The following C10orf90 variants were observed in gnomAD, a reference collection of about 807,000 sequenced individuals.
The protein encoded by C10orf90 is chromosome 10 open reading frame 90, also known as (E2-independent) E3 ubiquitin-conjugating enzyme FATS.
In C10orf90, 56 loss-of-function variants were observed where a neutral mutation model predicts 62.5. The observed-to-expected ratio is 0.90, with a 90% confidence interval of 0.72 to 1.12. The LOEUF (loss-of-function observed/expected upper bound fraction) is 1.12. Ranked by LOEUF, C10orf90 falls within the 50% of genes most tolerant of loss-of-function variation. The pLI, the probability that C10orf90 is intolerant of heterozygous loss-of-function variation, is 0.00. For synonymous variants in C10orf90, 386 were observed against 340.4 expected (o/e 1.13, Z -1.47); for missense variants, 970 against 880.4 (o/e 1.10, Z -1.29).
intron 4 of C10orf90, among the ~76,000 whole-genome samples, chr10:126,480,102 A>C (rs1564821672): frequency 6.6e-6 from 1 of 152,248 alleles, no homozygotes; most frequent in Non-Finnish European, 1.5e-5. Flanking sequence ...GAATATTTTT[A>C]AAAAGATAAA....
intron 4 of C10orf90, among the ~76,000 whole-genome samples, chr10:126,500,575 T>A (rs1862319434): frequency 6.6e-6 from 1 of 152,116 alleles, no homozygotes; most frequent in Non-Finnish European, 1.5e-5. Context: ...TTATGATAGA[T>A]TCGAAGATTT....
intron 4 of C10orf90, among the ~76,000 whole-genome samples, chr10:126,477,098 T>G (rs1311574523): frequency 2.7e-5 from 3 of 110,004 alleles, no homozygotes; most frequent in African/African-American, 1.1e-4. Flanking sequence ...TTTTTTTTTT[T>G]TTTTTTTTTT....
intron 7 of C10orf90, among the ~76,000 whole-genome samples, chr10:126,430,300 G>A (rs1857495938): frequency 6.6e-6 from 1 of 152,152 alleles, no homozygotes; most frequent in South Asian, 2.1e-4. Flanking sequence ...CCTCTATAGG[G>A]CTGCTCAGCC....
chr10:126,627,012 T>G (rs1357193869), intron 2 of C10orf90, among the ~76,000 whole-genome samples: 5 of 149,270 alleles, frequency 3.3e-5, no homozygotes, highest in South Asian at 2.1e-4. Context: ...TTTTTTTTTT[T>G]TTTTTGAGAC....
At chr10:126,575,846 T>C (rs1844600493) in intron 2 of C10orf90, among the ~76,000 whole-genome samples, 1 of 152,048 alleles carries the variant, frequency 6.6e-6, no homozygotes, top group African/African-American at 2.4e-5. Flanking sequence ...CAATATATAG[T>C]GCTGGAAAAA....
chr10:126,585,745 G>A (rs1020950806), intron 2 of C10orf90, among the ~76,000 whole-genome samples: 7 of 152,124 alleles, frequency 4.6e-5, no homozygotes, highest in African/African-American at 1.7e-4. Flanking sequence ...GCTAATTAGG[G>A]CCAGATAACA....
chr10:126,653,178 C>T (rs74158866), intron 1 of C10orf90, among the ~76,000 whole-genome samples: 4,196 of 152,270 alleles, frequency 0.028, 198 homozygotes, highest in African/African-American at 0.094. Flanking sequence ...CTGAAGGCTG[C>T]AGTGGCTGTA....
At chr10:126,583,291 A>G (rs1224983304) in intron 2 of C10orf90, among the ~76,000 whole-genome samples, 2 of 152,246 alleles carry the variant, frequency 1.3e-5, no homozygotes, top group Admixed American at 6.5e-5. Flanking sequence ...TTAAATCTCA[A>G]TGTAATAATT....
In C10orf90 at chr10:126,670,338, T is replaced by C. The variant is rs1846724138; in HGVS notation, c.143A>G (p.Lys48Arg). Residue 48 changes from lysine (K) to arginine (R), a missense_variant, in exon 1 of 10, where the codon AAG becomes AGG. Transcript: ENST00000488181. ...KNHVMVMDFV[K>R]SNWFPSQRRA... ...TCTCTGGGAGGGAAACCAGTTACTC[T>C]TCACAAAATCCATGACCATCACATG... The C allele has an allele frequency of 4.4e-6, 2 of 456,696 alleles. No individual in the cohort carries two copies. The highest frequency in any genetic ancestry group is 8.8e-6 in the Non-Finnish European group (2 of 226,958). 28.3% of individuals were successfully genotyped at this position (456,696 alleles called of 1,614,324 possible). A position where few individuals can be genotyped will look rare whatever the true frequency, so the allele number is the denominator to read the frequency against.
intron 4 of C10orf90, among the ~76,000 whole-genome samples, chr10:126,472,089 C>T (rs1398162984): frequency 6.6e-6 from 1 of 152,202 alleles, no homozygotes; most frequent in East Asian, 1.9e-4. Flanking sequence ...ATCAGTTACC[C>T]TACAGTCCTT....
chr10:126,658,201 G>A (rs1237236916), intron 1 of C10orf90, among the ~76,000 whole-genome samples: 1 of 152,210 alleles, frequency 6.6e-6, no homozygotes, highest in Non-Finnish European at 1.5e-5. Context: ...GCAGACAGAA[G>A]GCAGTGATGT....
chr10:126,597,251 T>A (rs987877063), intron 2 of C10orf90, among the ~76,000 whole-genome samples: 6 of 152,250 alleles, frequency 3.9e-5, no homozygotes, highest in Admixed American at 6.5e-5. Context: ...AAGACTTGTA[T>A]GAGAATGTTC....
chr10:126,522,112 T>C (rs1236736861), intron 2 of C10orf90, among the ~76,000 whole-genome samples: 1 of 151,990 alleles, frequency 6.6e-6, no homozygotes, highest in African/African-American at 2.4e-5. Flanking sequence ...CTACTAAAAG[T>C]ACAAAATTAG....
intron 3 of C10orf90, among the ~76,000 whole-genome samples, chr10:126,508,158 T>TGAGAGAGAGAAAGAGAGA (rs545830143): frequency 7.6e-6 from 1 of 131,468 alleles, no homozygotes; most frequent in African/African-American, 3.1e-5. Flanking sequence ...AATGAGTGAG[T>TGAGAGAGAGAAAGAGAGA]GAGAGAGAGA....
At chr10:126,494,898 C>A (rs372890991) in intron 4 of C10orf90, among the ~76,000 whole-genome samples, 3 of 152,364 alleles carry the variant, frequency 2.0e-5, no homozygotes. Flanking sequence ...TGTGCACCTG[C>A]CCTTCAGGCC....
intron 2 of C10orf90, among the ~76,000 whole-genome samples, chr10:126,600,191 A>C (rs1036281174): frequency 8.5e-5 from 13 of 152,160 alleles, no homozygotes; most frequent in Admixed American, 7.2e-4. Flanking sequence ...GTGTGTGTGC[A>C]TCGCATGTGT....
At chr10:126,623,738 G>A (rs1845690112) in intron 2 of C10orf90, among the ~76,000 whole-genome samples, 1 of 151,812 alleles carries the variant, frequency 6.6e-6, no homozygotes, top group African/African-American at 2.4e-5. Flanking sequence ...CTACTCTGGA[G>A]GCTGAGGCAG....
chr10:126,612,750 T>C (rs1487248510), intron 2 of C10orf90, among the ~76,000 whole-genome samples: 2 of 152,226 alleles, frequency 1.3e-5, no homozygotes, highest in African/African-American at 2.4e-5. Context: ...ATGAGAAATA[T>C]TAAATATCTA....
At chr10:126,559,501 GGA>G (rs1208652712) in intron 2 of C10orf90, among the ~76,000 whole-genome samples, 1 of 152,108 alleles carries the variant, frequency 6.6e-6, no homozygotes, top group Admixed American at 6.6e-5. Context: ...ATTGTCACTG[GGA>G]GCAGGACTGA....
Sources: gnomAD v4.1 joint callset for allele counts (sites outside exome capture counted in the v4.1 genomes callset) on GRCh38, gnomAD v4.1.1 for gene constraint, MANE v1.5 for transcripts, NCBI Gene and HGNC (gene_info 2026-07-23, HGNC 2026-07-21) for gene names.